SUFU: variants seen among roughly 807,000 people sequenced by gnomAD.
SUFU encodes the protein SUFU negative regulator of hedgehog signaling.
Under a neutral mutation model 58.9 loss-of-function variants are expected in SUFU, and 7 were observed. The ratio of observed to expected loss-of-function variants is 0.12; its 90% CI spans 0.07 to 0.22. The LOEUF (loss-of-function observed/expected upper bound fraction) is 0.22. Ranked by LOEUF, SUFU falls within the 10% of genes least tolerant of loss-of-function variation. The probability of loss-of-function intolerance (pLI) is 1.00; values close to 1 mark genes in which losing one functional copy is unlikely to be tolerated. For missense variants in SUFU, 451 were observed against 641.3 expected (o/e 0.70, Z 3.20); for synonymous variants, 232 against 254.8 (o/e 0.91, Z 0.85).
chr10:102,510,158 A>T (rs2062382335), intron 2 of SUFU, among the ~76,000 whole-genome samples: 1 of 149,668 alleles, frequency 6.7e-6, no homozygotes, highest in Non-Finnish European at 1.5e-5. Flanking sequence ...CATACTGTTA[A>T]TGACTGTATT....
chr10:102,516,643 G>A (rs930311648), intron 2 of SUFU, among the ~76,000 whole-genome samples: 48 of 151,924 alleles, frequency 3.2e-4, no homozygotes, highest in African/African-American at 1.1e-3. Flanking sequence ...CACCTCCCGG[G>A]TTCAAGCGAT....
At chr10:102,512,661 GTCACCAA>G (rs1207469764) in intron 2 of SUFU, among the ~76,000 whole-genome samples, 6 of 152,146 alleles carry the variant, frequency 3.9e-5, no homozygotes, top group African/African-American at 1.4e-4. Flanking sequence ...GGGTTTTCAT[GTCACCAA>G]TCAAGCCTAG....
rs1161933246 is a variant in SUFU, at chr10:102,504,087, G to T, written c.-66G>T. ...TCTCACCCACCGAGTCCGCCCGCTG[G>T]CCCGTCAGTGCTCTCCCCGTCGTTT... On this transcript the variant is annotated 5_prime_UTR_variant, in exon 1 of 12. Coordinates refer to ENST00000369902, the MANE Select transcript of SUFU (RefSeq NM_016169.4). The T allele has an allele frequency of 3.3e-5, 49 of 1,487,802 alleles. No homozygotes were observed. The highest frequency in any genetic ancestry group is 4.1e-5 in the Non-Finnish European group (46 of 1,124,296). 92.2% of individuals were successfully genotyped at this position (1,487,802 alleles called of 1,614,324 possible).
chr10:102,533,792 T>C (rs1245941618), intron 2 of SUFU, among the ~76,000 whole-genome samples: 1 of 152,198 alleles, frequency 6.6e-6, no homozygotes, highest in Non-Finnish European at 1.5e-5. Flanking sequence ...TGTAAGATCA[T>C]CCCCATCTCA....
chr10:102,541,697 C>CTTTTTTTTTTTT (rs869264798), intron 2 of SUFU, among the ~76,000 whole-genome samples: 11 of 56,084 alleles, frequency 2.0e-4, no homozygotes, highest in East Asian at 5.6e-4. Context: ...CCGCGCCCGG[C>CTTTTTTTTTTTT]TTTTTTTTTT....
At chr10:102,528,141 G>A (rs1048834722) in intron 2 of SUFU, among the ~76,000 whole-genome samples, 1 of 152,156 alleles carries the variant, frequency 6.6e-6, no homozygotes, top group African/African-American at 2.4e-5. Context: ...CCTGGGGGCT[G>A]GCTGACCTTT....
At chr10:102,537,983 T>C (rs988126398) in intron 2 of SUFU, among the ~76,000 whole-genome samples, 1 of 152,238 alleles carries the variant, frequency 6.6e-6, no homozygotes, top group Non-Finnish European at 1.5e-5. Context: ...CATACTGTTT[T>C]CCATAGCAGC....
At chr10:102,593,531 C>G in intron 4 of SUFU, 105 bp from the exon 5 acceptor site, 2 of 1,106,216 alleles carry the variant, frequency 1.8e-6, no homozygotes, top group South Asian at 2.5e-5. Context: ...CAGATCCTGC[C>G]TGTGGTCTCC....
chr10:102,598,426 G>T (rs909149426), intron 7 of SUFU, among the ~76,000 whole-genome samples: 1 of 152,146 alleles, frequency 6.6e-6, no homozygotes, highest in Non-Finnish European at 1.5e-5. Context: ...GAAGTGCTGG[G>T]ATTACAGATG....
intron 3 of SUFU, among the ~76,000 whole-genome samples, chr10:102,569,578 GATTT>G (rs2063140668): frequency 1.3e-5 from 2 of 152,170 alleles, no homozygotes; most frequent in South Asian, 4.1e-4. Context: ...GTTCACTAAT[GATTT>G]ATTGCTATCT....
chr10:102,597,163 G>C lies in SUFU; in HGVS notation c.780G>C (p.Glu260Asp). 1 of 1,614,020 alleles carries C rather than the reference G, an allele frequency of 6.2e-7. No homozygotes were observed. The highest frequency in any genetic ancestry group is 8.5e-7 in the Non-Finnish European group (1 of 1,180,002). ...AGGAGAGAGTTGACAAAGGCATCGA[G>C]ACAGATGGCTCCAACCTGAGTGGTG... is the stretch of plus-strand genomic sequence containing the variant. The part of the protein sequence containing the change: ...HLQERVDKGI[E>D]TDGSNLSGVS... Residue 260 changes from glutamate (E) to aspartate (D), a missense_variant, in exon 7 of 12, where the codon GAG (glutamate) becomes GAC (aspartate). Physicochemically the swap from Glu to Asp is conservative, Grantham distance 45. Coordinates refer to ENST00000369902, the MANE Select transcript of SUFU (RefSeq NM_016169.4).
At chr10:102,520,610 CA>C (rs1185436892) in intron 2 of SUFU, among the ~76,000 whole-genome samples, 3 of 152,172 alleles carry the variant, frequency 2.0e-5, no homozygotes, top group African/African-American at 7.2e-5. Context: ...CCTTGTGCTC[CA>C]CCTGTTCATT....
intron 2 of SUFU, among the ~76,000 whole-genome samples, chr10:102,532,616 G>C (rs1231222021): frequency 6.6e-6 from 1 of 152,150 alleles, no homozygotes; most frequent in East Asian, 1.9e-4. Flanking sequence ...TGCACAGTGG[G>C]GAATGGAAGG....
intron 3 of SUFU, among the ~76,000 whole-genome samples, chr10:102,583,196 G>A (rs2063300792): frequency 6.6e-6 from 1 of 152,162 alleles, no homozygotes; most frequent in Admixed American, 6.5e-5. Flanking sequence ...TGAAAACTGT[G>A]ACCAGGGCTC....
chr10:102,539,385 A>G (rs1030444814), intron 2 of SUFU, among the ~76,000 whole-genome samples: 4 of 152,178 alleles, frequency 2.6e-5, no homozygotes, highest in Non-Finnish European at 4.4e-5. Context: ...ATCAGGAGGC[A>G]CTTGATGTTG....
chr10:102,542,163 C>T (rs1322425250), intron 2 of SUFU, among the ~76,000 whole-genome samples: 4 of 138,950 alleles, frequency 2.9e-5, no homozygotes, highest in African/African-American at 1.1e-4. Context: ...GATGGAGTCT[C>T]ACTCTGTTGC....
chr10:102,518,611 A>G (rs1342617366), intron 2 of SUFU, among the ~76,000 whole-genome samples: 1 of 151,734 alleles, frequency 6.6e-6, no homozygotes, highest in Non-Finnish European at 1.5e-5. Flanking sequence ...CACTGGCTCC[A>G]TCTTGGCTCA....
chr10:102,629,155 T>G lies in SUFU; in HGVS notation c.1366-911T>G, dbSNP rs1355544157. 6.6e-6 allele frequency among the ~76,000 whole-genome samples: 1 copy of G among 151,838 alleles called. No homozygotes were observed. Among genetic ancestry groups the G allele is most frequent in the Non-Finnish European group, 1.5e-5 (1 of 67,976 alleles). ...TGGGCAACAAGAGCGAAACTCCGTC[T>G]CAAAAGAAAAAGAAAAGACAGACCC... On this transcript the variant is annotated intron_variant, in intron 11 of 11. Coordinates refer to ENST00000369902, the MANE Select transcript of SUFU (RefSeq NM_016169.4). This position sits in a 1 kb window ranked among gnomAD's most constrained non-coding sequence, Gnocchi z 4.7.
chr10:102,568,947 T>TACACAC (rs1288544062), intron 3 of SUFU, among the ~76,000 whole-genome samples: 1 of 82,544 alleles, frequency 1.2e-5, no homozygotes, highest in African/African-American at 4.8e-5. Context: ...TATATATATA[T>TACACAC]ATATATATAT....
Sources: gnomAD v4.1 joint callset for allele counts (sites outside exome capture counted in the v4.1 genomes callset) on GRCh38, gnomAD v4.1.1 for gene constraint, Gnocchi (gnomAD v3.1) non-coding constraint, MANE v1.5 for transcripts, NCBI Gene and HGNC (gene_info 2026-07-23, HGNC 2026-07-21) for gene names.